UMAD1: variants seen among roughly 807,000 people sequenced by gnomAD.
UMAD1 encodes UBAP1-MVB12-associated (UMA)-domain containing protein 1.
A neutral mutation model predicts 6.1 loss-of-function variants in UMAD1; 8 were observed. That is an observed-to-expected ratio of 1.30 (90% CI 0.76 to 2.35). The LOEUF is 2.35. Ranked by LOEUF, UMAD1 falls within the 30% of genes most tolerant of loss-of-function variation. UMAD1 has a pLI of 0.00. For synonymous variants in UMAD1, 56 were observed against 31.4 expected, an observed-to-expected ratio of 1.78 and a Z score of -2.61; for missense variants, 130 against 78.4, an observed-to-expected ratio of 1.66 and a Z score of -2.49.
At chr7:7,709,891 TA>T (rs972233080) in intron 2 of UMAD1, among the ~76,000 whole-genome samples, 9 of 152,318 alleles carry the variant, frequency 5.9e-5, no homozygotes, top group African/African-American at 1.7e-4. Context: ...TGAAGTTCTC[TA>T]AGTCTTCTCC....
intron 2 of UMAD1, among the ~76,000 whole-genome samples, chr7:7,713,476 C>A (rs1018030579): frequency 2.6e-5 from 4 of 151,910 alleles, no homozygotes; most frequent in African/African-American, 9.7e-5. Context: ...TCCTCCCCCC[C>A]ATGGCAATAT....
intron 3 of UMAD1, among the ~76,000 whole-genome samples, chr7:7,814,606 A>G (rs1239756941): frequency 6.6e-6 from 1 of 152,090 alleles, no homozygotes. Flanking sequence ...ATGTAAGTAT[A>G]TTTATGTAAT....
rs560091788 is a variant in UMAD1 at position 7,649,017 on chromosome 7, G to A, written c.-64+8196G>A. On this transcript the variant is annotated intron_variant, in intron 1 of 3. Transcript: ENST00000682710. ...TACTAAAAGTACAAAAATTAGCCAGGCATGGTGGCGGATGCCTGTAATCCC... is the reference window on the plus strand; with the variant it reads ...TACTAAAAGTACAAAAATTAGCCAGACATGGTGGCGGATGCCTGTAATCCC... Among the ~76,000 whole-genome samples, 4 of 152,118 alleles carry A rather than the reference G, an allele frequency of 2.6e-5. No homozygotes were observed. The East Asian group carries it at 5.8e-4, about 22-fold the overall frequency.
chr7:7,747,749 C>T (rs1243557600), intron 2 of UMAD1, among the ~76,000 whole-genome samples: 2 of 152,018 alleles, frequency 1.3e-5, no homozygotes, highest in Non-Finnish European at 2.9e-5. Context: ...TGCTAGGTTG[C>T]CTTATTTCTC....
intron 1 of UMAD1, among the ~76,000 whole-genome samples, chr7:7,649,149 A>G (rs1482753379): frequency 1.7e-5 from 2 of 117,878 alleles, no homozygotes; most frequent in East Asian, 5.2e-4. Context: ...CAAGAGCGAG[A>G]CTCCATCTCA....
intron 1 of UMAD1, among the ~76,000 whole-genome samples, chr7:7,654,493 G>A (rs1188904016): frequency 1.3e-5 from 2 of 152,244 alleles, no homozygotes; most frequent in Admixed American, 6.5e-5. Context: ...CAAATCCACA[G>A]ATGCTCAAGT....
chr7:7,661,296 C>T (rs1785468194), intron 1 of UMAD1, among the ~76,000 whole-genome samples: 1 of 152,114 alleles, frequency 6.6e-6, no homozygotes, highest in Non-Finnish European at 1.5e-5. Flanking sequence ...TGTTATTACC[C>T]ATCTCTGAAG....
chr7:7,717,060 C>CTTTTTTTTTTTTTTT (rs766644906), intron 2 of UMAD1, among the ~76,000 whole-genome samples: 1 of 141,604 alleles, frequency 7.1e-6, no homozygotes, highest in African/African-American at 2.6e-5. Context: ...TTCTTTTTTT[C>CTTTTTTTTTTTTTTT]TTTTTTTTTT....
rs145794000 is a variant in UMAD1 at position 7,732,804 on chromosome 7, G to A, written c.82+59351G>A. ...CACAAGGATTTCATAAACACCCTGA[G>A]TAGATGGGCACTAAAACTTTGAATG... On this transcript the variant is annotated intron_variant, in intron 2 of 3. Coordinates refer to ENST00000682710, the MANE Select transcript of UMAD1 (RefSeq NM_001302348.2). Among the ~76,000 whole-genome samples the A allele has an allele frequency of 1.3e-3, 192 of 152,306 alleles. 2 individuals are homozygous for A. In the Middle Eastern group the frequency reaches 0.014, roughly 11 times the overall value.
intron 2 of UMAD1, among the ~76,000 whole-genome samples, chr7:7,756,746 C>G (rs960210377): frequency 3.9e-5 from 6 of 152,228 alleles, no homozygotes; most frequent in African/African-American, 1.4e-4. Context: ...TTGCCTCCCC[C>G]ATGATCAAGA....
chr7:7,676,434 A>G lies in UMAD1; in HGVS notation c.82+2981A>G, dbSNP rs543045357. On this transcript the variant is annotated intron_variant, in intron 2 of 3. Transcript: ENST00000682710. The stretch of plus-strand genomic sequence containing the variant: ...AGCAGATCTGGAATTAGCCCAGGCA[A>G]TCTGACTTCAGAACCTATCCTCTAA... 3.9e-5 allele frequency among the ~76,000 whole-genome samples: 6 copies of G among 152,328 alleles called. No individual in the cohort carries two copies. The South Asian group carries it at 8.3e-4, about 21-fold the overall frequency.
chr7:7,754,942 T>C (rs977508533), intron 2 of UMAD1, among the ~76,000 whole-genome samples: 2 of 152,226 alleles, frequency 1.3e-5, no homozygotes, highest in African/African-American at 4.8e-5. Flanking sequence ...CATTTAGTTA[T>C]TAGCAGTATA....
intron 3 of UMAD1, chr7:7,868,657 C>G (rs183299667): frequency 1.1e-4 from 16 of 152,090 alleles, no homozygotes; most frequent in East Asian, 1.9e-4. Context: ...AGAAAATAAT[C>G]TGCCTTCTAA....
intron 2 of UMAD1, among the ~76,000 whole-genome samples, chr7:7,714,080 GTGT>G (rs1399537225): frequency 6.6e-6 from 1 of 152,180 alleles, no homozygotes; most frequent in Non-Finnish European, 1.5e-5. Flanking sequence ...GTTTTTTTGT[GTGT>G]TATCTTTTTG....
intron 2 of UMAD1, among the ~76,000 whole-genome samples, chr7:7,750,764 G>A (rs924604266): frequency 1.2e-4 from 18 of 152,176 alleles, no homozygotes; most frequent in African/African-American, 3.1e-4. Context: ...AGAACATGGC[G>A]GAGCTGAGAT....
chr7:7,858,000 G>C (rs1784051078), intron 3 of UMAD1, among the ~76,000 whole-genome samples: 1 of 152,240 alleles, frequency 6.6e-6, no homozygotes, highest in Admixed American at 6.5e-5. Context: ...GCATGAAATA[G>C]TGGTTAAGCT....
intron 3 of UMAD1, among the ~76,000 whole-genome samples, chr7:7,828,459 T>C (rs559473001): frequency 6.6e-6 from 1 of 152,286 alleles, no homozygotes; most frequent in African/African-American, 2.4e-5. Flanking sequence ...TTAAGCCAAG[T>C]CACTGAATCA....
chr7:7,718,228 A>T (rs1780965732), intron 2 of UMAD1, among the ~76,000 whole-genome samples: 1 of 152,200 alleles, frequency 6.6e-6, no homozygotes, highest in South Asian at 2.1e-4. Context: ...TGTTATTTTT[A>T]TCCCCAAGGG....
At chr7:7,787,470 A>G (rs938605231) in intron 2 of UMAD1, among the ~76,000 whole-genome samples, 7 of 152,252 alleles carry the variant, frequency 4.6e-5, no homozygotes, top group Non-Finnish European at 8.8e-5. Context: ...AATCAAATAC[A>G]TATTAGCAAC....
Sources: gnomAD v4.1 joint callset for allele counts (sites outside exome capture counted in the v4.1 genomes callset) on GRCh38, gnomAD v4.1.1 for gene constraint, MANE v1.5 for transcripts, NCBI Gene and HGNC (gene_info 2026-07-23, HGNC 2026-07-21) for gene names.